PRKCA: variants seen among roughly 807,000 people sequenced by gnomAD.
PRKCA encodes protein kinase C alpha type.
PRKCA carries 27 observed loss-of-function variants against 87.0 expected under a neutral mutation model. The ratio of observed to expected loss-of-function variants is 0.31; its 90% CI spans 0.23 to 0.43. PRKCA has a LOEUF of 0.43. PRKCA is among the 20% of genes least tolerant of loss of function. PRKCA has a pLI of 1.00. For synonymous variants in PRKCA, 329 were observed against 311.1 expected, an observed-to-expected ratio of 1.06 and a Z score of -0.61; for missense variants, 518 against 852.3, an observed-to-expected ratio of 0.61 and a Z score of 4.88.
intron 2 of PRKCA, among the ~76,000 whole-genome samples, chr17:66,377,698 GTT>G (rs61113832): frequency 0.42 from 35,353 of 84,902 alleles, 7,411 homozygotes; most frequent in South Asian, 0.48. Context: ...TAAAGTCTAT[GTT>G]TTATATATAT....
chr17:66,769,453 G>A (rs139151633), intron 13 of PRKCA, among the ~76,000 whole-genome samples: 1,757 of 152,090 alleles, frequency 0.012, 11 homozygotes, highest in Non-Finnish European at 0.018. Context: ...TGTTAGAGAA[G>A]TACTTCAGTA....
chr17:66,529,943 A>T (rs564788941), intron 3 of PRKCA, among the ~76,000 whole-genome samples: 1 of 152,280 alleles, frequency 6.6e-6, no homozygotes, highest in African/African-American at 2.4e-5. Context: ...TTGGTTCTTT[A>T]ACTGTCATCC....
chr17:66,472,421 GGTA>G (rs1258806267), intron 2 of PRKCA, among the ~76,000 whole-genome samples: 1 of 152,214 alleles, frequency 6.6e-6, no homozygotes, highest in East Asian at 1.9e-4. Context: ...GCTCGTTGAT[GGTA>G]GTGGTGGAAA....
chr17:66,560,177 A>G (rs1968635500), intron 3 of PRKCA, among the ~76,000 whole-genome samples: 1 of 152,088 alleles, frequency 6.6e-6, no homozygotes, highest in Non-Finnish European at 1.5e-5. Context: ...ATACCCCCAG[A>G]GGCTTGAGGA....
chr17:66,554,637 A>G (rs980568023), intron 3 of PRKCA: 8 of 677,758 alleles, frequency 1.2e-5, no homozygotes, highest in Non-Finnish European at 1.5e-5. Context: ...GGCACTAGCA[A>G]ATAAATTAAA....
intron 2 of PRKCA, among the ~76,000 whole-genome samples, chr17:66,445,757 G>C (rs928715735): frequency 1.3e-5 from 2 of 151,902 alleles, no homozygotes; most frequent in African/African-American, 4.8e-5. Flanking sequence ...GGTGTCCTTG[G>C]TGGTGTTTTC....
chr17:66,616,599 T>C (rs1970522799), intron 3 of PRKCA, among the ~76,000 whole-genome samples: 1 of 152,118 alleles, frequency 6.6e-6, no homozygotes, highest in South Asian at 2.1e-4. Flanking sequence ...CAGACTGAGG[T>C]TGGAGCTGCG....
intron 5 of PRKCA, among the ~76,000 whole-genome samples, chr17:66,672,254 C>G (rs1183754075): frequency 6.6e-6 from 1 of 152,148 alleles, no homozygotes; most frequent in East Asian, 1.9e-4. Context: ...AACAACTCTT[C>G]TAACACAGTA....
At chr17:66,307,034 T>C (rs1045594762) in intron 2 of PRKCA, among the ~76,000 whole-genome samples, 15 of 152,200 alleles carry the variant, frequency 9.9e-5, no homozygotes, top group African/African-American at 3.4e-4. Flanking sequence ...AGAAAGGCAC[T>C]GTGTACTTTT....
At chr17:66,550,251 T>C (rs1968284818) in intron 3 of PRKCA, among the ~76,000 whole-genome samples, 3 of 152,202 alleles carry the variant, frequency 2.0e-5, no homozygotes, top group Admixed American at 2.0e-4. Flanking sequence ...TCACAAAGGC[T>C]TCCCTTTGAG....
chr17:66,470,661 A>C (rs1567845786), intron 2 of PRKCA, among the ~76,000 whole-genome samples: 1 of 152,180 alleles, frequency 6.6e-6, no homozygotes, highest in Non-Finnish European at 1.5e-5. Context: ...TAAAGGGCAC[A>C]GTCAGCCCTT....
intron 2 of PRKCA, among the ~76,000 whole-genome samples, chr17:66,488,801 A>G (rs1006578121): frequency 1.1e-4 from 16 of 152,224 alleles, no homozygotes; most frequent in Admixed American, 9.2e-4. Context: ...CATTCTTTAT[A>G]ATATGTGATA....
At chr17:66,619,983 A>G (rs1236158194) in intron 3 of PRKCA, among the ~76,000 whole-genome samples, 1 of 152,156 alleles carries the variant, frequency 6.6e-6, no homozygotes, top group African/African-American at 2.4e-5. Flanking sequence ...TTTGGGGGGT[A>G]ATGAAAAAAA....
chr17:66,783,143 TG>T (rs1975281472), intron 14 of PRKCA, among the ~76,000 whole-genome samples: 1 of 152,170 alleles, frequency 6.6e-6, no homozygotes, highest in Admixed American at 6.5e-5. Flanking sequence ...ACATCAAGGC[TG>T]GAATGCACAG....
chr17:66,450,732 G>C (rs894358172), intron 2 of PRKCA, among the ~76,000 whole-genome samples: 34 of 152,176 alleles, frequency 2.2e-4, no homozygotes, highest in Admixed American at 6.5e-4. Context: ...GGTAATTACC[G>C]CAAAAGCTGG....
intron 3 of PRKCA, among the ~76,000 whole-genome samples, chr17:66,577,815 A>G (rs1969287076): frequency 6.6e-6 from 1 of 152,124 alleles, no homozygotes; most frequent in African/African-American, 2.4e-5. Flanking sequence ...TCAGAGAATG[A>G]CACTGGAGTG....
chr17:66,481,874 G>C (rs1915791392), intron 2 of PRKCA, among the ~76,000 whole-genome samples: 1 of 152,052 alleles, frequency 6.6e-6, no homozygotes, highest in Non-Finnish European at 1.5e-5. Flanking sequence ...AGGCAGAGGT[G>C]GGTGGATCAC....
intron 3 of PRKCA, among the ~76,000 whole-genome samples, chr17:66,590,299 T>TA (rs1450889127): frequency 2.0e-5 from 3 of 152,130 alleles, no homozygotes; most frequent in South Asian, 2.1e-4. Context: ...TTCCCTTGAC[T>TA]AAAAGCACAG....
At chr17:66,629,441 G>A (rs1465296102) in intron 3 of PRKCA, among the ~76,000 whole-genome samples, 1 of 152,146 alleles carries the variant, frequency 6.6e-6, no homozygotes, top group Non-Finnish European at 1.5e-5. Flanking sequence ...ACCTGATCCT[G>A]TTTTTACTAA....
Sources: allele counts gnomAD v4.1 joint callset (sites outside exome capture counted in the v4.1 genomes callset), GRCh38; gene constraint gnomAD v4.1.1; transcripts MANE v1.5; gene names NCBI Gene and HGNC (gene_info 2026-07-23, HGNC 2026-07-21).